The following ITPR2 variants were observed in gnomAD, a reference collection of about 807,000 sequenced individuals.
ITPR2 encodes the protein inositol 1,4,5-trisphosphate-gated calcium channel ITPR2.
A neutral mutation model predicts 317.1 loss-of-function variants in ITPR2; 207 were observed. The ratio of observed to expected loss-of-function variants is 0.65; its 90% CI spans 0.58 to 0.73. The LOEUF is 0.73. Ranked by LOEUF, ITPR2 falls within the 30% of genes least tolerant of loss-of-function variation. ITPR2 has a pLI of 0.00. For missense variants in ITPR2, 2,613 were observed against 3,284.0 expected, an observed-to-expected ratio of 0.80 and a Z score of 4.99; for synonymous variants, 1,156 against 1,149.1, an observed-to-expected ratio of 1.01 and a Z score of -0.12.
In ITPR2 at chr12:26,387,282, T is replaced by C. The variant is rs897966366; in HGVS notation, c.7857+152A>G. ...TACTGGGAACCAATGACTTAGTCAG[T>C]GTAGATGTTCTTCAGTGATTGACAG... On this transcript the variant is annotated intron_variant, in intron 55 of 56. Coordinates refer to ENST00000381340, the MANE Select transcript of ITPR2 (RefSeq NM_002223.4). 5 of 731,024 alleles carry C rather than the reference T, an allele frequency of 6.8e-6. No homozygotes were observed. In the African/African-American group the frequency reaches 8.9e-5, roughly 13 times the overall value. The allele number at this position is 731,024 out of a possible 1,614,324, so 45.3% of individuals were successfully genotyped here.
chr12:26,625,406 A>C (rs1180756452), intron 23 of ITPR2, among the ~76,000 whole-genome samples: 1 of 152,138 alleles, frequency 6.6e-6, no homozygotes, highest in African/African-American at 2.4e-5. Context: ...TGATTATTAC[A>C]CATTGTATAC....
chr12:26,660,001 T>G (rs964557038), intron 15 of ITPR2, among the ~76,000 whole-genome samples: 10 of 152,360 alleles, frequency 6.6e-5, no homozygotes, highest in African/African-American at 2.4e-4. Context: ...AAATGTTTCT[T>G]GAAGGCCTAT....
At chr12:26,665,875 TA>T in intron 14 of ITPR2, 34 bp downstream of exon 14, 2 of 1,576,952 alleles carry the variant, frequency 1.3e-6, no homozygotes, top group Non-Finnish European at 1.7e-6. Flanking sequence ...ATTCAGAAAA[TA>T]AAATATACAA....
At chr12:26,540,404 T>C (rs1189201862) in intron 37 of ITPR2, among the ~76,000 whole-genome samples, 2 of 152,218 alleles carry the variant, frequency 1.3e-5, no homozygotes, top group Non-Finnish European at 2.9e-5. Flanking sequence ...TAATAATACA[T>C]TGATTTTAGT....
intron 45 of ITPR2, among the ~76,000 whole-genome samples, chr12:26,449,936 A>G (rs906587025): frequency 4.6e-5 from 7 of 152,168 alleles, no homozygotes; most frequent in Non-Finnish European, 1.0e-4. Context: ...TGCAGATGTG[A>G]TGAAGTTAAA....
chr12:26,554,933 T>C (rs1944624060), intron 36 of ITPR2, among the ~76,000 whole-genome samples: 1 of 152,204 alleles, frequency 6.6e-6, no homozygotes, highest in African/African-American at 2.4e-5. Flanking sequence ...AGTGAATTAC[T>C]AGGCAATACC....
chr12:26,669,562 G>T (rs915535835), intron 13 of ITPR2, among the ~76,000 whole-genome samples: 3 of 152,210 alleles, frequency 2.0e-5, no homozygotes, highest in Admixed American at 2.0e-4. Flanking sequence ...CAAGTCGGGG[G>T]AGGAGCCAAG....
At chr12:26,734,593 T>A (rs1046013655) in intron 2 of ITPR2, among the ~76,000 whole-genome samples, 12 of 151,564 alleles carry the variant, frequency 7.9e-5, no homozygotes, top group African/African-American at 2.9e-4. Flanking sequence ...TTTAAACCAA[T>A]TTGAGCATGA....
chr12:26,463,157 T>C (rs892142136), intron 45 of ITPR2, among the ~76,000 whole-genome samples: 5 of 152,248 alleles, frequency 3.3e-5, no homozygotes, highest in Non-Finnish European at 5.9e-5. Context: ...GGTTCACTTA[T>C]AATTGATTTA....
chr12:26,377,850 G>A (rs1010688671), intron 55 of ITPR2, among the ~76,000 whole-genome samples: 4 of 151,938 alleles, frequency 2.6e-5, no homozygotes, highest in African/African-American at 9.7e-5. Context: ...TTCCTTTCTT[G>A]TTCTCACACT....
At chr12:26,595,373 A>T in intron 32 of ITPR2, 92 bp downstream of exon 32, 1 of 1,165,588 alleles carries the variant, frequency 8.6e-7, no homozygotes. Context: ...ATCAAAAGGT[A>T]GTGAATTTAA....
intron 51 of ITPR2, among the ~76,000 whole-genome samples, chr12:26,412,571 C>T (rs1940583909): frequency 6.6e-6 from 1 of 152,036 alleles, no homozygotes; most frequent in Non-Finnish European, 1.5e-5. Flanking sequence ...AGCTAGAGGA[C>T]ATAGAGAGAT....
In ITPR2 at chr12:26,656,725, A is replaced by G. The variant is rs564403572; in HGVS notation, c.2193-177T>C. On this transcript the variant is annotated intron_variant, in intron 18 of 56. Transcript: ENST00000381340. ...AAGATCAAATGACAAGACATATATG[A>G]AACTGTCTCTATGTCCCTTCAGTTA... Among the ~76,000 whole-genome samples, 6 of 152,328 alleles carry G rather than the reference A, an allele frequency of 3.9e-5. No homozygotes were observed. In the South Asian group the frequency reaches 1.0e-3, roughly 26 times the overall value.
At chr12:26,369,396 C>T (rs572701183) in intron 55 of ITPR2, among the ~76,000 whole-genome samples, 2 of 152,082 alleles carry the variant, frequency 1.3e-5, no homozygotes, top group Middle Eastern at 3.4e-3. Context: ...TGAAGGCTAT[C>T]TGAATTAGAA....
chr12:26,707,815 C>T (rs1415806073), intron 9 of ITPR2, among the ~76,000 whole-genome samples: 2 of 152,100 alleles, frequency 1.3e-5, no homozygotes, highest in African/African-American at 2.4e-5. Context: ...CAGATGTGAG[C>T]CACCGCGCCT....
Position 26,832,871 on chromosome 12 carries a change from G to A in ITPR2, c.-90C>T. 3 of 1,031,488 alleles carry A rather than the reference G, an allele frequency of 2.9e-6. No individual in the cohort carries two copies. The highest frequency in any genetic ancestry group is 2.7e-5 in the East Asian group (1 of 36,680). The allele number at this position is 1,031,488 out of a possible 1,614,324, so 63.9% of individuals were successfully genotyped here. A position where few individuals can be genotyped will look rare whatever the true frequency, so the allele number is the denominator to read the frequency against. ...GGAGCCGCCGCGGCAGAAGCGGATCGGATCGCGGGACTACAGCGGCCAAGA... is the reference window on the plus strand; with the variant it reads ...GGAGCCGCCGCGGCAGAAGCGGATCAGATCGCGGGACTACAGCGGCCAAGA... On this transcript the variant is annotated 5_prime_UTR_variant, in exon 1 of 57. Coordinates refer to ENST00000381340, the MANE Select transcript of ITPR2 (RefSeq NM_002223.4).
chr12:26,623,357 G>C (rs780413598), intron 24 of ITPR2: 1 of 152,136 alleles, frequency 6.6e-6, no homozygotes, highest in African/African-American at 2.4e-5. Flanking sequence ...CTTAGTAGCC[G>C]TATCAGTCAT....
chr12:26,599,693 A>C (rs952446279), intron 29 of ITPR2, among the ~76,000 whole-genome samples: 1 of 152,162 alleles, frequency 6.6e-6, no homozygotes, highest in Non-Finnish European at 1.5e-5. Context: ...TTCCATATTT[A>C]CCTTACTCAT....
At chr12:26,764,918 T>A (rs1201589002) in intron 2 of ITPR2, among the ~76,000 whole-genome samples, 1 of 152,110 alleles carries the variant, frequency 6.6e-6, no homozygotes, top group Non-Finnish European at 1.5e-5. Context: ...TTGTTTTCTC[T>A]TCTTTAGCTA....
Sources: allele counts gnomAD v4.1 joint callset (sites outside exome capture counted in the v4.1 genomes callset), GRCh38; gene constraint gnomAD v4.1.1; transcripts MANE v1.5; gene names NCBI Gene and HGNC (gene_info 2026-07-23, HGNC 2026-07-21).